The following ZRANB3 variants were observed in gnomAD, a reference collection of about 807,000 sequenced individuals.
ZRANB3 encodes the protein zinc finger RANBP2-type containing 3, also known as DNA annealing helicase and endonuclease ZRANB3.
Under a neutral mutation model 133.8 loss-of-function variants are expected in ZRANB3, and 125 were observed. That is an observed-to-expected ratio of 0.93 (90% confidence interval 0.81 to 1.08). The LOEUF is 1.08. ZRANB3 is among the 50% of genes least tolerant of loss of function. The pLI, the probability that ZRANB3 is intolerant of heterozygous loss-of-function variation, is 0.00. For missense variants in ZRANB3, 1,229 were observed against 1,275.5 expected (o/e 0.96, Z 0.56); for synonymous variants, 387 against 432.7 (o/e 0.89, Z 1.31).
chr2:135,384,783 A>C (rs1190196202), intron 3 of ZRANB3, among the ~76,000 whole-genome samples: 1 of 152,250 alleles, frequency 6.6e-6, no homozygotes, highest in Non-Finnish European at 1.5e-5. Context: ...GCCTTTGACA[A>C]AATTCAACAG....
At chr2:135,215,114 C>T (rs1171094222) in intron 17 of ZRANB3, among the ~76,000 whole-genome samples, 2 of 151,902 alleles carry the variant, frequency 1.3e-5, no homozygotes, top group African/African-American at 2.4e-5. Context: ...GATACAGTCT[C>T]GCTATGTTGA....
intron 12 of ZRANB3, among the ~76,000 whole-genome samples, chr2:135,263,988 G>A (rs1159604837): frequency 2.0e-5 from 3 of 148,492 alleles, no homozygotes; most frequent in South Asian, 2.1e-4. Context: ...GGGTTTCACC[G>A]TGTTGGCCAG....
At chr2:135,203,703 T>C (rs1693732806) in intron 19 of ZRANB3, among the ~76,000 whole-genome samples, 1 of 151,772 alleles carries the variant, frequency 6.6e-6, no homozygotes, top group African/African-American at 2.4e-5. Context: ...CTTTTGTCAC[T>C]ATACAATGGC....
chr2:135,359,138 G>C (rs988965942), intron 3 of ZRANB3, among the ~76,000 whole-genome samples: 1 of 152,044 alleles, frequency 6.6e-6, no homozygotes, highest in African/African-American at 2.4e-5. Context: ...AAGGTCCATT[G>C]CATCTCTTCA....
chr2:135,370,876 G>A (rs572747075), intron 3 of ZRANB3, among the ~76,000 whole-genome samples: 28 of 152,282 alleles, frequency 1.8e-4, no homozygotes, highest in East Asian at 3.9e-4. Context: ...CATGCTGTTC[G>A]CATGATAATG....
intron 1 of ZRANB3, among the ~76,000 whole-genome samples, chr2:135,519,634 C>G (rs1348469943): frequency 1.3e-5 from 2 of 152,162 alleles, no homozygotes; most frequent in Non-Finnish European, 2.9e-5. Context: ...GTCCTATAAA[C>G]AGTTATATCC....
chr2:135,214,448 T>C (rs1445050973), intron 17 of ZRANB3, among the ~76,000 whole-genome samples: 1 of 152,124 alleles, frequency 6.6e-6, no homozygotes, highest in Non-Finnish European at 1.5e-5. Context: ...AATTGACTTT[T>C]GCTTTTAAAT....
At chr2:135,497,869 A>G (rs1295338396) in intron 2 of ZRANB3, among the ~76,000 whole-genome samples, 1 of 152,094 alleles carries the variant, frequency 6.6e-6, no homozygotes, top group African/African-American at 2.4e-5. Context: ...CCAGGCCAAC[A>G]TGGTAAAACC....
chr2:135,329,135 A>G (rs1301140232), intron 6 of ZRANB3, among the ~76,000 whole-genome samples: 1 of 152,208 alleles, frequency 6.6e-6, no homozygotes, highest in Admixed American at 6.5e-5. Context: ...GCCCTTGCCC[A>G]TGCCTATATC....
chr2:135,405,751 C>G (rs1348787944), intron 2 of ZRANB3, among the ~76,000 whole-genome samples: 2 of 152,058 alleles, frequency 1.3e-5, no homozygotes, highest in South Asian at 2.1e-4. Context: ...AGGCAGAGAT[C>G]AAGATGTTCT....
chr2:135,291,681 G>A (rs963545370), intron 8 of ZRANB3, among the ~76,000 whole-genome samples: 2 of 151,240 alleles, frequency 1.3e-5, no homozygotes, highest in African/African-American at 2.4e-5. Flanking sequence ...TGCCATGTTG[G>A]TGTGCTGCAC....
At chr2:135,273,220 C>T (rs1680625743) in intron 9 of ZRANB3, among the ~76,000 whole-genome samples, 1 of 150,450 alleles carries the variant, frequency 6.6e-6, no homozygotes, top group Non-Finnish European at 1.5e-5. Flanking sequence ...AAAAAGAAAT[C>T]ATTATTCAAC....
intron 2 of ZRANB3, among the ~76,000 whole-genome samples, chr2:135,454,429 A>C (rs911427569): frequency 6.6e-6 from 1 of 151,614 alleles, no homozygotes; most frequent in Non-Finnish European, 1.5e-5. Context: ...TAAATCTTTA[A>C]TTTTTTTTTA....
intron 2 of ZRANB3, among the ~76,000 whole-genome samples, chr2:135,456,937 A>G (rs571519210): frequency 6.6e-6 from 1 of 152,354 alleles, no homozygotes; most frequent in African/African-American, 2.4e-5. Flanking sequence ...AGTAAATTCA[A>G]TATTTTCAAT....
intron 5 of ZRANB3, among the ~76,000 whole-genome samples, 185 bp from the exon 6 acceptor site, chr2:135,345,820 ATCTT>A (rs149851108): frequency 0.024 from 3,638 of 152,284 alleles, 163 homozygotes; most frequent in African/African-American, 0.083. Flanking sequence ...ACATTTATAC[ATCTT>A]TCTATGTTGA....
chr2:135,512,519 T>C (rs1198111810), intron 1 of ZRANB3, among the ~76,000 whole-genome samples: 2 of 151,522 alleles, frequency 1.3e-5, no homozygotes, highest in Non-Finnish European at 1.5e-5. Context: ...TAAATGTAAA[T>C]GGACTAAAAA....
chr2:135,499,811 T>C (rs1411775854), intron 2 of ZRANB3, among the ~76,000 whole-genome samples: 6 of 152,302 alleles, frequency 3.9e-5, no homozygotes, highest in East Asian at 3.9e-4. Flanking sequence ...ATGGTTTGTA[T>C]TATGTATCAC....
At chr2:135,443,746 G>C (rs1353860269) in intron 2 of ZRANB3, among the ~76,000 whole-genome samples, 1 of 151,748 alleles carries the variant, frequency 6.6e-6, no homozygotes, top group African/African-American at 2.4e-5. Flanking sequence ...AGGTCATGAA[G>C]GATAAGGAAA....
intron 3 of ZRANB3, among the ~76,000 whole-genome samples, chr2:135,371,595 C>T (rs910037677): frequency 5.9e-5 from 9 of 152,188 alleles, no homozygotes; most frequent in African/African-American, 2.2e-4. Flanking sequence ...TCAGGACAGA[C>T]TTCTTTAAAA....
Sources: gnomAD v4.1 joint callset for allele counts (sites outside exome capture counted in the v4.1 genomes callset) on GRCh38, gnomAD v4.1.1 for gene constraint, MANE v1.5 for transcripts, NCBI Gene and HGNC (gene_info 2026-07-23, HGNC 2026-07-21) for gene names.